NALF1: variants seen among roughly 807,000 people sequenced by gnomAD.
NALF1 encodes the protein NALCN channel auxiliary factor 1.
A neutral mutation model predicts 48.4 loss-of-function variants in NALF1; 3 were observed. The ratio of observed to expected loss-of-function variants is 0.06; its 90% CI spans 0.03 to 0.16. The LOEUF (loss-of-function observed/expected upper bound fraction) is 0.16. Among genes scored for constraint, NALF1 ranks in the 10% least tolerant of loss-of-function variants. The pLI is 1.00. For missense variants in NALF1, 526 were observed against 571.5 expected (o/e 0.92, Z 0.81); for synonymous variants, 262 against 245.7 (o/e 1.07, Z -0.62).
intron 1 of NALF1, among the ~76,000 whole-genome samples, chr13:107,304,709 T>G (rs1594112118): frequency 6.6e-6 from 1 of 152,204 alleles, no homozygotes; most frequent in African/African-American, 2.4e-5. Context: ...AGAAAGTACA[T>G]CCACAAGATC....
intron 1 of NALF1, among the ~76,000 whole-genome samples, chr13:107,242,345 T>C (rs904996540): frequency 1.3e-5 from 2 of 152,112 alleles, no homozygotes; most frequent in African/African-American, 4.8e-5. Flanking sequence ...GGAAGGCCCT[T>C]CCCTTCTCCT....
chr13:107,432,007 G>A (rs925138013), intron 1 of NALF1, among the ~76,000 whole-genome samples: 1 of 152,140 alleles, frequency 6.6e-6, no homozygotes, highest in Non-Finnish European at 1.5e-5. Context: ...TTATAAAGGA[G>A]TACCTGAAAC....
intron 1 of NALF1, among the ~76,000 whole-genome samples, chr13:107,607,021 T>C (rs1010120226): frequency 6.6e-6 from 1 of 152,206 alleles, no homozygotes; most frequent in Non-Finnish European, 1.5e-5. Context: ...CAGATTCTTA[T>C]TATATTTATA....
rs139505710 is a variant in NALF1, at chr13:107,472,341, C to A, written c.916-261586G>T. Among the ~76,000 whole-genome samples, 1,477 of 152,214 alleles carry A rather than the reference C, an allele frequency of 9.7e-3. 28 individuals carry two copies. Among genetic ancestry groups the A allele is most frequent in the African/African-American group, 0.033 (1,364 of 41,532 alleles). On this transcript the variant is annotated intron_variant, in intron 1 of 2. Transcript: ENST00000375915. ...GAGACTCCCTCTCAAAACAAACAAACAAACAAATAAACTTCAGATAACACT... is the reference window on the plus strand; with the variant it reads ...GAGACTCCCTCTCAAAACAAACAAAAAAACAAATAAACTTCAGATAACACT...
At chr13:107,735,345 C>T (rs950644497) in intron 1 of NALF1, among the ~76,000 whole-genome samples, 7 of 152,256 alleles carry the variant, frequency 4.6e-5, no homozygotes, top group African/African-American at 1.4e-4. Context: ...AGGAATATAA[C>T]ATGGTTGGAT....
chr13:107,501,782 T>G (rs897995657), intron 1 of NALF1, among the ~76,000 whole-genome samples: 1 of 152,220 alleles, frequency 6.6e-6, no homozygotes, highest in African/African-American at 2.4e-5. Flanking sequence ...CTTATTTTAA[T>G]GTGAATATGT....
At chr13:107,459,411 C>G (rs931811277) in intron 1 of NALF1, among the ~76,000 whole-genome samples, 1 of 150,190 alleles carries the variant, frequency 6.7e-6, no homozygotes, top group Non-Finnish European at 1.5e-5. Context: ...ATATATAAGG[C>G]CTGTTTTGTT....
intron 1 of NALF1, among the ~76,000 whole-genome samples, chr13:107,863,527 C>T (rs1240514691): frequency 2.0e-5 from 3 of 152,160 alleles, no homozygotes; most frequent in African/African-American, 4.8e-5. Flanking sequence ...TAAACGTCTG[C>T]ACGACATAAC....
chr13:107,229,537 C>T (rs1408566), intron 1 of NALF1, among the ~76,000 whole-genome samples: 121,776 of 152,114 alleles, frequency 0.8, 49,185 homozygotes, highest in Non-Finnish European at 0.85. Context: ...GCTAACCTTT[C>T]CATAGCTGAG....
intron 2 of NALF1, among the ~76,000 whole-genome samples, chr13:107,192,425 T>C (rs972285470): frequency 6.6e-6 from 1 of 152,142 alleles, no homozygotes; most frequent in African/African-American, 2.4e-5. Context: ...AGACTCACAT[T>C]AATTTGGTAA....
intron 1 of NALF1, among the ~76,000 whole-genome samples, chr13:107,503,346 A>T (rs1484073197): frequency 6.6e-6 from 1 of 152,194 alleles, no homozygotes; most frequent in African/African-American, 2.4e-5. Context: ...GGTATATGAA[A>T]AGGCACTCAA....
intron 2 of NALF1, among the ~76,000 whole-genome samples, chr13:107,195,789 G>A (rs1879376891): frequency 6.6e-6 from 1 of 152,094 alleles, no homozygotes; most frequent in African/African-American, 2.4e-5. Context: ...CTTCTTAGTA[G>A]GAAAAATATT....
chr13:107,349,138 T>C (rs1458147785), intron 1 of NALF1, among the ~76,000 whole-genome samples: 1 of 152,214 alleles, frequency 6.6e-6, no homozygotes, highest in Non-Finnish European at 1.5e-5. Flanking sequence ...CTGGGGACAT[T>C]CTCATTAGCC....
At position 107,490,008 on chromosome 13, in the gene NALF1, G is replaced by A. The variant is rs1885389765; in HGVS notation, c.916-279253C>T. On this transcript the variant is annotated intron_variant, in intron 1 of 2. Transcript: ENST00000375915. ...AATCTCAACATCACTGATCATTAGA[G>A]AAATGCAAATCAAAAACACAATGAG... 2.6e-5 allele frequency among the ~76,000 whole-genome samples: 4 copies of A among 152,252 alleles called. No individual in the cohort carries two copies. The South Asian group carries it at 6.2e-4, about 24-fold the overall frequency.
intron 1 of NALF1, among the ~76,000 whole-genome samples, chr13:107,653,263 G>A (rs1566430969): frequency 6.7e-6 from 1 of 149,910 alleles, no homozygotes; most frequent in South Asian, 2.1e-4. Context: ...AATAACAAAC[G>A]AATTCTCTCA....
chr13:107,674,252 T>C lies in NALF1; in HGVS notation c.915+191430A>G, dbSNP rs943931801. Among the ~76,000 whole-genome samples, 21 of 151,844 alleles carry C rather than the reference T, an allele frequency of 1.4e-4. 1 individual carries two copies. The highest frequency in any genetic ancestry group is 1.5e-5 in the Non-Finnish European group (1 of 67,972). ...GTCCAGATATAACCCACAAACAAAA[T>C]AGGGTGCACACATAACTTTTCCAAA... On this transcript the variant is annotated intron_variant, in intron 1 of 2. Coordinates refer to ENST00000375915, the MANE Select transcript of NALF1 (RefSeq NM_001080396.3).
intron 1 of NALF1, among the ~76,000 whole-genome samples, chr13:107,529,543 G>A (rs2139105706): frequency 6.6e-6 from 1 of 152,236 alleles, no homozygotes; most frequent in African/African-American, 2.4e-5. Context: ...CACACTATAT[G>A]TCCTAGATGT....
At chr13:107,277,686 C>T (rs1881308456) in intron 1 of NALF1, among the ~76,000 whole-genome samples, 1 of 152,190 alleles carries the variant, frequency 6.6e-6, no homozygotes, top group African/African-American at 2.4e-5. Flanking sequence ...TCTCCATATT[C>T]CCAATTTCTA....
At chr13:107,280,139 C>T (rs1214238488) in intron 1 of NALF1, among the ~76,000 whole-genome samples, 1 of 152,180 alleles carries the variant, frequency 6.6e-6, no homozygotes, top group Non-Finnish European at 1.5e-5. Context: ...TGCAGATAGA[C>T]TGAACTATCA....
Sources: allele counts gnomAD v4.1 joint callset (sites outside exome capture counted in the v4.1 genomes callset), GRCh38; gene constraint gnomAD v4.1.1; transcripts MANE v1.5; gene names NCBI Gene and HGNC (gene_info 2026-07-23, HGNC 2026-07-21).